Variants in EPHB1 observed in about 807,000 individuals in gnomAD.
The protein encoded by EPHB1 is ephrin type-B receptor 1.
In EPHB1, 30 loss-of-function variants were observed where a neutral mutation model predicts 94.4. The ratio of observed to expected loss-of-function variants is 0.32; its 90% confidence interval spans 0.24 to 0.43. The LOEUF is 0.43. EPHB1 is among the 20% of genes least tolerant of loss of function. EPHB1 has a pLI of 1.00. For synonymous variants in EPHB1, 522 were observed against 489.1 expected, an observed-to-expected ratio of 1.07 and a Z score of -0.89; for missense variants, 1,055 against 1,308.3, an observed-to-expected ratio of 0.81 and a Z score of 2.99.
intron 1 of EPHB1, among the ~76,000 whole-genome samples, chr3:134,865,571 G>T (rs2037356069): frequency 6.6e-6 from 1 of 151,550 alleles, no homozygotes; most frequent in Non-Finnish European, 1.5e-5. Context: ...GCAAAAGATT[G>T]GAAACAGCCC....
intron 3 of EPHB1, among the ~76,000 whole-genome samples, chr3:135,056,221 C>G (rs1454035257): frequency 2.0e-5 from 3 of 152,246 alleles, no homozygotes; most frequent in African/African-American, 7.2e-5. Context: ...GTGGCTACCA[C>G]TGTGCATGAA....
intron 10 of EPHB1, among the ~76,000 whole-genome samples, chr3:135,189,113 GA>G (rs1559867862): frequency 1.3e-5 from 2 of 152,186 alleles, no homozygotes; most frequent in African/African-American, 4.8e-5. Context: ...TCCCAATTAG[GA>G]AAGTAGTTTG....
intron 12 of EPHB1, among the ~76,000 whole-genome samples, chr3:135,233,045 C>T (rs561769931): frequency 6.6e-6 from 1 of 152,254 alleles, no homozygotes; most frequent in East Asian, 1.9e-4. Context: ...ATAGCCAAAT[C>T]ATACCATTCC....
intron 3 of EPHB1, among the ~76,000 whole-genome samples, chr3:135,039,007 A>G (rs1181196558): frequency 6.6e-6 from 1 of 152,116 alleles, no homozygotes; most frequent in East Asian, 1.9e-4. Context: ...CTATGTCCCC[A>G]TCAGATTAGT....
chr3:135,072,361 G>C (rs1937750983), intron 3 of EPHB1, among the ~76,000 whole-genome samples: 1 of 152,152 alleles, frequency 6.6e-6, no homozygotes, highest in South Asian at 2.1e-4. Context: ...TCCAGCCTGG[G>C]TGACAGAGTG....
chr3:135,054,040 T>TATATATACAC (rs377064799), intron 3 of EPHB1, among the ~76,000 whole-genome samples: 7,826 of 139,650 alleles, frequency 0.056, 366 homozygotes, highest in African/African-American at 0.13. Flanking sequence ...TATATATATA[T>TATATATACAC]ACACACACAC....
chr3:134,848,006 G>A (rs562598721), intron 1 of EPHB1, among the ~76,000 whole-genome samples: 1 of 152,296 alleles, frequency 6.6e-6, no homozygotes, highest in South Asian at 2.1e-4. Context: ...GAGATGCAAA[G>A]TTGACTAATT....
chr3:134,850,306 G>C (rs369753501), intron 1 of EPHB1, among the ~76,000 whole-genome samples: 64 of 152,310 alleles, frequency 4.2e-4, no homozygotes, highest in Non-Finnish European at 8.2e-4. Flanking sequence ...TGTCATATCT[G>C]TTCCACATCA....
chr3:134,884,586 G>C (rs941304417), intron 1 of EPHB1, among the ~76,000 whole-genome samples: 2 of 152,122 alleles, frequency 1.3e-5, no homozygotes, highest in Non-Finnish European at 2.9e-5. Context: ...ATTTCTGTTA[G>C]TTAAGTAAAA....
chr3:135,179,763 C>A, intron 9 of EPHB1, 97 bp from the exon 10 acceptor site: 1 of 1,467,224 alleles, frequency 6.8e-7, no homozygotes, highest in Non-Finnish European at 9.3e-7. Context: ...TAGGAGAGCT[C>A]CTCCCAGGAA....
At chr3:135,177,132 G>A (rs1942002379) in intron 9 of EPHB1, among the ~76,000 whole-genome samples, 1 of 152,144 alleles carries the variant, frequency 6.6e-6, no homozygotes, top group South Asian at 2.1e-4. Context: ...ACTTTGGGAG[G>A]GAGATGTTAC....
intron 10 of EPHB1, among the ~76,000 whole-genome samples, chr3:135,191,974 A>T (rs1408409227): frequency 6.6e-6 from 1 of 152,210 alleles, no homozygotes; most frequent in East Asian, 1.9e-4. Flanking sequence ...CTGGGATTTC[A>T]TCAGGTCTGC....
At chr3:135,016,526 A>G (rs561572249) in intron 3 of EPHB1, among the ~76,000 whole-genome samples, 106 of 152,300 alleles carry the variant, frequency 7.0e-4, no homozygotes, top group African/African-American at 2.5e-3. Flanking sequence ...ACTCTGGGCA[A>G]TATGTGCACA....
At chr3:134,916,224 T>G (rs995237271) in intron 1 of EPHB1, among the ~76,000 whole-genome samples, 2 of 152,180 alleles carry the variant, frequency 1.3e-5, no homozygotes, top group Non-Finnish European at 2.9e-5. Flanking sequence ...ATTGGTGTAT[T>G]TACAATCCCT....
intron 1 of EPHB1, among the ~76,000 whole-genome samples, chr3:134,917,739 C>T (rs890033176): frequency 1.4e-4 from 21 of 152,208 alleles, no homozygotes; most frequent in African/African-American, 4.8e-4. Context: ...CTTTCAGTTT[C>T]CTCAGGCTTG....
chr3:135,009,991 G>C (rs1227833419), intron 3 of EPHB1, among the ~76,000 whole-genome samples: 1 of 152,120 alleles, frequency 6.6e-6, no homozygotes, highest in Non-Finnish European at 1.5e-5. Flanking sequence ...ATTAACATTT[G>C]GTGCTGCACA....
chr3:135,084,519 T>TGATG (rs1236704044), intron 3 of EPHB1, among the ~76,000 whole-genome samples: 5 of 152,234 alleles, frequency 3.3e-5, no homozygotes, highest in Non-Finnish European at 7.4e-5. Flanking sequence ...ACTGGCTGCG[T>TGATG]GATGGATGAA....
At chr3:134,849,718 C>T (rs2036940747) in intron 1 of EPHB1, among the ~76,000 whole-genome samples, 1 of 152,178 alleles carries the variant, frequency 6.6e-6, no homozygotes, top group Admixed American at 6.5e-5. Context: ...ACCATTTGTG[C>T]CAGCTAGACA....
intron 3 of EPHB1, among the ~76,000 whole-genome samples, chr3:135,074,033 T>C (rs1310847521): frequency 1.3e-5 from 2 of 152,254 alleles, no homozygotes; most frequent in Non-Finnish European, 2.9e-5. Context: ...TTAGGGATGT[T>C]GATTCTCATT....
Sources: gnomAD v4.1 joint callset for allele counts (sites outside exome capture counted in the v4.1 genomes callset) on GRCh38, gnomAD v4.1.1 for gene constraint, MANE v1.5 for transcripts, NCBI Gene and HGNC (gene_info 2026-07-23, HGNC 2026-07-21) for gene names.